Variants in DRC11 observed in about 807,000 individuals in gnomAD.
The protein encoded by DRC11 is IQ and AAA domain-containing protein 1.
the DRC11 span, chr2:236,493,968 C>A: frequency 8.2e-7 from 1 of 1,217,042 alleles, no homozygotes; most frequent in Non-Finnish European, 1.1e-6. Context: ...ACAGTAAGGA[C>A]GTGCACATCA....
chr2:236,318,683 T>C, the DRC11 span, among the ~76,000 whole-genome samples: 4 of 152,122 alleles, frequency 2.6e-5, no homozygotes, highest in African/African-American at 9.7e-5. The surrounding 1 kb of genome is among the most constrained non-coding windows in gnomAD (Gnocchi z 7.0). Flanking sequence ...AGATCACATG[T>C]GTACACGTGC....
chr2:236,472,443 T>C, the DRC11 span, among the ~76,000 whole-genome samples: 2 of 152,308 alleles, frequency 1.3e-5, no homozygotes, highest in African/African-American at 2.4e-5. This position sits in a 1 kb window ranked among gnomAD's most constrained non-coding sequence, Gnocchi z 4.6. Context: ...TTCAGCAGTA[T>C]ATGATGACAA....
At chr2:236,497,131 A>G in the DRC11 span, 2 of 1,520,694 alleles carry the variant, frequency 1.3e-6, no homozygotes, top group Non-Finnish European at 1.8e-6. The surrounding 1 kb of genome is among the most constrained non-coding windows in gnomAD (Gnocchi z 5.1). Context: ...AACAAAAAAA[A>G]GCAACTAATA....
the DRC11 span, among the ~76,000 whole-genome samples, chr2:236,356,914 A>T: frequency 3.6e-5 from 5 of 138,806 alleles, no homozygotes; most frequent in African/African-American, 1.4e-4. Flanking sequence ...TTTATATATT[A>T]TATATATTCA....
chr2:236,477,216 A>G, the DRC11 span, among the ~76,000 whole-genome samples: 1 of 152,192 alleles, frequency 6.6e-6, no homozygotes, highest in Non-Finnish European at 1.5e-5. Flanking sequence ...ACTCCCCAAA[A>G]CTTAACTACT....
chr2:236,308,073 A>AGTGACGCAGGCATCCTCG, the DRC11 span, among the ~76,000 whole-genome samples: 113 of 146,982 alleles, frequency 7.7e-4, no homozygotes, highest in African/African-American at 2.9e-3. This position sits in a 1 kb window ranked among gnomAD's most constrained non-coding sequence, Gnocchi z 6.0. Context: ...AGGCGTCCTC[A>AGTGACGCAGGCATCCTCG]TGCGCTTGCA....
the DRC11 span, among the ~76,000 whole-genome samples, chr2:236,357,242 T>C: frequency 8.9e-6 from 1 of 112,500 alleles, no homozygotes. Flanking sequence ...TGTATATTCA[T>C]ATAGTATATA....
chr2:236,333,781 A>T, the DRC11 span, among the ~76,000 whole-genome samples: 1 of 152,220 alleles, frequency 6.6e-6, no homozygotes, highest in African/African-American at 2.4e-5. The surrounding 1 kb of genome is among the most constrained non-coding windows in gnomAD (Gnocchi z 6.0). Flanking sequence ...ACCTTCTTGC[A>T]GGAGTAATCA....
the DRC11 span, among the ~76,000 whole-genome samples, chr2:236,352,369 C>G: frequency 6.6e-6 from 1 of 151,982 alleles, no homozygotes; most frequent in African/African-American, 2.4e-5. This position sits in a 1 kb window ranked among gnomAD's most constrained non-coding sequence, Gnocchi z 7.0. Context: ...GTAGTCAGTG[C>G]CCAGGAAATG....
At chr2:236,345,007 G>A in the DRC11 span, among the ~76,000 whole-genome samples, 1 of 150,650 alleles carries the variant, frequency 6.6e-6, no homozygotes, top group Non-Finnish European at 1.5e-5. Flanking sequence ...CCTCTGGGGT[G>A]TGCAGAGCCC....
At chr2:236,493,848 C>T in the DRC11 span, 1 of 1,606,658 alleles carries the variant, frequency 6.2e-7, no homozygotes. Flanking sequence ...TCCAACTTCT[C>T]CTTCAAAAAA....
At chr2:236,326,131 A>G in the DRC11 span, among the ~76,000 whole-genome samples, 1 of 152,200 alleles carries the variant, frequency 6.6e-6, no homozygotes, top group Non-Finnish European at 1.5e-5. Context: ...TCCCAACAAT[A>G]TATCTAGGTA....
the DRC11 span, among the ~76,000 whole-genome samples, chr2:236,488,700 T>C: frequency 6.6e-6 from 1 of 152,238 alleles, no homozygotes; most frequent in Non-Finnish European, 1.5e-5. Flanking sequence ...TAATTTTATA[T>C]ATGAAAAGTC....
chr2:236,389,904 G>A, the DRC11 span, among the ~76,000 whole-genome samples: 1 of 152,092 alleles, frequency 6.6e-6, no homozygotes, highest in Non-Finnish European at 1.5e-5. Flanking sequence ...TTGTGACTTA[G>A]CATGTGATAT....
the DRC11 span, among the ~76,000 whole-genome samples, chr2:236,453,293 A>T: frequency 2.6e-5 from 4 of 152,238 alleles, no homozygotes; most frequent in African/African-American, 9.6e-5. This position sits in a 1 kb window ranked among gnomAD's most constrained non-coding sequence, Gnocchi z 4.9. Flanking sequence ...TGAGTTGAAG[A>T]AAAGGACAAG....
At chr2:236,308,045 GTGTGCTTGCAGTGACGCAGGCGTCCTCA>G in the DRC11 span, among the ~76,000 whole-genome samples, 38 of 148,390 alleles carry the variant, frequency 2.6e-4, no homozygotes, top group African/African-American at 9.3e-4. This position sits in a 1 kb window ranked among gnomAD's most constrained non-coding sequence, Gnocchi z 6.0. Context: ...AGGCGTCCTC[GTGTGCTTGCAGTGACGCAGGCGTCCTCA>G]TGCGCTTGCA....
At chr2:236,489,749 C>A in the DRC11 span, among the ~76,000 whole-genome samples, 1 of 151,976 alleles carries the variant, frequency 6.6e-6, no homozygotes, top group South Asian at 2.1e-4. Context: ...GCGGTGAGAC[C>A]CCGTCTCTAA....
the DRC11 span, among the ~76,000 whole-genome samples, chr2:236,390,775 G>A: frequency 3.3e-5 from 5 of 152,226 alleles, no homozygotes; most frequent in East Asian, 7.7e-4. The surrounding 1 kb of genome is among the most constrained non-coding windows in gnomAD (Gnocchi z 5.9). Flanking sequence ...ATGGTTCTGG[G>A]GTCCAAAGAC....
At chr2:236,356,185 CAG>C in the DRC11 span, among the ~76,000 whole-genome samples, 1 of 152,184 alleles carries the variant, frequency 6.6e-6, no homozygotes, top group Non-Finnish European at 1.5e-5. Flanking sequence ...TGTCCAGGGG[CAG>C]AGAGGGCCCT....
Sources: allele counts gnomAD v4.1 joint callset (sites outside exome capture counted in the v4.1 genomes callset), GRCh38; gene constraint gnomAD v4.1.1; non-coding constraint Gnocchi (gnomAD v3.1); transcripts MANE v1.5; gene names NCBI Gene and HGNC (gene_info 2026-07-23, HGNC 2026-07-21).